The following EPHB2 variants were observed in gnomAD, a reference collection of about 807,000 sequenced individuals.
The protein encoded by EPHB2 is ephrin type-B receptor 2.
A neutral mutation model predicts 96.4 loss-of-function variants in EPHB2; 18 were observed. The observed-to-expected ratio is 0.19, with a 90% CI of 0.13 to 0.28. The LOEUF is 0.28. Ranked by LOEUF, EPHB2 falls within the 10% of genes least tolerant of loss-of-function variation. The probability of loss-of-function intolerance (pLI) is 1.00; values close to 1 mark genes in which losing one functional copy is unlikely to be tolerated. For synonymous variants in EPHB2, 506 were observed against 534.1 expected, an observed-to-expected ratio of 0.95 and a Z score of 0.72; for missense variants, 989 against 1,355.4, an observed-to-expected ratio of 0.73 and a Z score of 4.25.
rs1305112856 is a variant in EPHB2, at chr1:22,846,341, G to A, written c.812-16696G>A. On this transcript the variant is annotated intron_variant, in intron 3 of 15. Transcript: ENST00000374630. This position sits in a 1 kb window ranked among gnomAD's most constrained non-coding sequence, Gnocchi z 4.3. ...TGAGGCAGGAGAATCACTTGAACCC[G>A]GGAGGTGGAGGTTGCAGTGAGCCGA... Among the ~76,000 whole-genome samples, 4 of 151,820 alleles carry A rather than the reference G, an allele frequency of 2.6e-5. No homozygotes were observed. Among genetic ancestry groups the A allele is most frequent in the East Asian group, 1.9e-4 (1 of 5,168 alleles).
chr1:22,842,651 C>T (rs1191145181), intron 3 of EPHB2, among the ~76,000 whole-genome samples: 1 of 152,204 alleles, frequency 6.6e-6, no homozygotes, highest in Non-Finnish European at 1.5e-5. Context: ...CCATGGGGCC[C>T]ACAGTTTTGG....
intron 1 of EPHB2, among the ~76,000 whole-genome samples, chr1:22,728,146 G>A (rs997983861): frequency 1.3e-5 from 2 of 152,064 alleles, no homozygotes. Context: ...ACTTCACAAA[G>A]GCAGGGATTT....
chr1:22,741,824 C>T (rs901218237), intron 1 of EPHB2, among the ~76,000 whole-genome samples: 2 of 152,004 alleles, frequency 1.3e-5, no homozygotes, highest in Admixed American at 6.6e-5. Flanking sequence ...ATGCCTGTCT[C>T]GGGGATGGGC....
chr1:22,781,367 A>T, intron 1 of EPHB2, 54 bp from the exon 2 acceptor site: 2 of 1,522,008 alleles, frequency 1.3e-6, no homozygotes, highest in Non-Finnish European at 1.8e-6. Context: ...CAACAGAAAG[A>T]TTGACAGCGC....
intron 1 of EPHB2, among the ~76,000 whole-genome samples, chr1:22,758,917 A>ATGGG (rs975675242): frequency 2.9e-4 from 7 of 24,166 alleles, no homozygotes; most frequent in Admixed American, 1.4e-3. Context: ...TGGGTGACGG[A>ATGGG]TGGGTGGGTG....
intron 1 of EPHB2, among the ~76,000 whole-genome samples, chr1:22,751,017 T>C (rs1644054073): frequency 6.6e-6 from 1 of 152,266 alleles, no homozygotes; most frequent in South Asian, 2.1e-4. Context: ...CCTGATTTTT[T>C]CCTTTACTGA....
chr1:22,882,657 T>A, intron 6 of EPHB2, 174 bp downstream of exon 6: 1 of 955,922 alleles, frequency 1.0e-6, no homozygotes, highest in Non-Finnish European at 1.5e-6. Flanking sequence ...TCCTTCCCAC[T>A]GTGAGACCTC....
At chr1:22,768,218 C>T (rs1644332365) in intron 1 of EPHB2, among the ~76,000 whole-genome samples, 1 of 152,202 alleles carries the variant, frequency 6.6e-6, no homozygotes, top group Non-Finnish European at 1.5e-5. Flanking sequence ...CTTCTCTGCT[C>T]CTGACCAGCT....
At chr1:22,766,960 T>C (rs1037106050) in intron 1 of EPHB2, among the ~76,000 whole-genome samples, 5 of 152,220 alleles carry the variant, frequency 3.3e-5, no homozygotes, top group Admixed American at 3.3e-4. Flanking sequence ...CCTCCGGCTC[T>C]CATGTGAACC....
chr1:22,780,913 G>A (rs1434201670), intron 1 of EPHB2, among the ~76,000 whole-genome samples: 1 of 152,106 alleles, frequency 6.6e-6, no homozygotes, highest in African/African-American at 2.4e-5. Flanking sequence ...GGGTAGGCGG[G>A]ATAATGGAGT....
intron 3 of EPHB2, among the ~76,000 whole-genome samples, chr1:22,801,398 C>T (rs965721523): frequency 5.3e-5 from 8 of 152,086 alleles, no homozygotes; most frequent in South Asian, 2.1e-4. Flanking sequence ...TCCCAGCCAC[C>T]GCCCTGGGTG....
intron 1 of EPHB2, among the ~76,000 whole-genome samples, chr1:22,764,876 C>A (rs573294489): frequency 6.6e-6 from 1 of 152,354 alleles, no homozygotes; most frequent in Admixed American, 6.5e-5. Context: ...CTGCGACTCG[C>A]TCCAGTGGCA....
intron 3 of EPHB2, among the ~76,000 whole-genome samples, chr1:22,809,762 C>T (rs1478068457): frequency 1.3e-5 from 2 of 152,196 alleles, no homozygotes; most frequent in Non-Finnish European, 2.9e-5. Flanking sequence ...GTATTAGGCA[C>T]CAAGACTGCG....
intron 1 of EPHB2, among the ~76,000 whole-genome samples, chr1:22,760,533 G>A (rs1344999614): frequency 6.6e-6 from 1 of 152,230 alleles, no homozygotes. Flanking sequence ...TCCTCAAGGA[G>A]CAGCTCTCCA....
intron 1 of EPHB2, among the ~76,000 whole-genome samples, chr1:22,734,381 G>T (rs547923147): frequency 1.3e-5 from 2 of 151,498 alleles, no homozygotes; most frequent in African/African-American, 4.8e-5. Context: ...AAAGCCCAGA[G>T]ATATATACAC....
rs1570171409 is a variant in EPHB2 at position 22,733,476 on chromosome 1, C to G, written c.61+22433C>G. Among the ~76,000 whole-genome samples the G allele has an allele frequency of 6.6e-6, 1 of 152,300 alleles. No individual in the cohort carries two copies. The highest frequency in any genetic ancestry group is 2.4e-5 in the African/African-American group (1 of 41,556). On this transcript the variant is annotated intron_variant, in intron 1 of 15. Coordinates refer to ENST00000374630, the MANE Select transcript of EPHB2 (RefSeq NM_017449.5). The surrounding 1 kb of genome is among the most constrained non-coding windows in gnomAD (Gnocchi z 4.6). ...GAATGATGAAAATATTAGCGTTATA[C>G]AATTTTAACATTCATGTTAACAGTC...
chr1:22,815,966 C>G (rs1645070300), intron 3 of EPHB2, among the ~76,000 whole-genome samples: 1 of 152,286 alleles, frequency 6.6e-6, no homozygotes, highest in Admixed American at 6.5e-5. Context: ...GTGTTGGCAG[C>G]AGCAGGAGAG....
chr1:22,914,854 T>G lies in EPHB2; in HGVS notation c.*1284T>G, dbSNP rs1640225112. Reference sequence around the variant, plus strand: ...GGAGGAGCTTCCCACTCCAGGACTGTTGATGAAAGGGACAGATTGAGGAGG... The same window carrying G: ...GGAGGAGCTTCCCACTCCAGGACTGGTGATGAAAGGGACAGATTGAGGAGG... On this transcript the variant is annotated 3_prime_UTR_variant, in exon 16 of 16. Transcript: ENST00000374630. The G allele has an allele frequency of 6.6e-6, 1 of 152,534 alleles. No homozygotes were observed. Among genetic ancestry groups the G allele is most frequent in the Middle Eastern group, 3.2e-3 (1 of 316 alleles). The allele number at this position is 152,534 out of a possible 1,614,324, so 9.4% of individuals were successfully genotyped here.
At chr1:22,714,555 G>C (rs1643243690) in intron 1 of EPHB2, among the ~76,000 whole-genome samples, 1 of 152,132 alleles carries the variant, frequency 6.6e-6, no homozygotes. Flanking sequence ...ATGGGAGTGG[G>C]GTGGTCAGGT....
Sources: allele counts gnomAD v4.1 joint callset (sites outside exome capture counted in the v4.1 genomes callset), GRCh38; gene constraint gnomAD v4.1.1; non-coding constraint Gnocchi (gnomAD v3.1); transcripts MANE v1.5; gene names NCBI Gene and HGNC (gene_info 2026-07-23, HGNC 2026-07-21).